Variants in VWF observed in about 807,000 individuals in gnomAD.
The protein encoded by VWF is von Willebrand factor.
In VWF, 176 loss-of-function variants were observed where a neutral mutation model predicts 308.6. The observed-to-expected ratio is 0.57, with a 90% CI of 0.50 to 0.65. VWF has a LOEUF of 0.65. VWF is among the 30% of genes least tolerant of loss of function. The probability of loss-of-function intolerance (pLI) is 0.00; values close to 1 mark genes in which losing one functional copy is unlikely to be tolerated. For synonymous variants in VWF, 1,385 were observed against 1,443.4 expected, an observed-to-expected ratio of 0.96 and a Z score of 0.92; for missense variants, 3,146 against 3,648.2, an observed-to-expected ratio of 0.86 and a Z score of 3.55.
Position 6,065,113 on chromosome 12 carries a change from AGCAG to A in VWF, c.1293+20_1293+23del. 1.2e-6 allele frequency: 2 copies of A among 1,614,090 alleles called. No homozygotes were observed. Among genetic ancestry groups the A allele is most frequent in the African/African-American group, 1.3e-5 (1 of 75,062 alleles). On this transcript the variant is annotated intron_variant, in intron 11 of 51. Transcript: ENST00000261405. ...CAGCACCTTGGGCTACCACCCGACC[AGCAG>A]CCGGGCTGGCAAAGCTCACCTGGAC...
At chr12:6,098,729 A>T (rs971484394) in intron 5 of VWF, among the ~76,000 whole-genome samples, 2 of 152,048 alleles carry the variant, frequency 1.3e-5, no homozygotes, top group African/African-American at 2.4e-5. Flanking sequence ...CAGTGAGCCA[A>T]GATGGCACCA....
At chr12:6,036,868 T>A (rs1944342873) in intron 18 of VWF, among the ~76,000 whole-genome samples, 1 of 152,008 alleles carries the variant, frequency 6.6e-6, no homozygotes. Context: ...CACCTAGCCA[T>A]CCCAAGGAAA....
At chr12:5,962,294 C>T (rs540626691) in intron 47 of VWF, among the ~76,000 whole-genome samples, 12 of 152,104 alleles carry the variant, frequency 7.9e-5, no homozygotes, top group East Asian at 1.9e-4. Flanking sequence ...CAATATAATC[C>T]GGCACACTTT....
At chr12:6,108,765 A>G (rs1945271734) in intron 5 of VWF, among the ~76,000 whole-genome samples, 1 of 152,048 alleles carries the variant, frequency 6.6e-6, no homozygotes, top group African/African-American at 2.4e-5. Flanking sequence ...GCAGATCACG[A>G]GGTCAGGAGT....
At chr12:5,960,004 T>C (rs1943294423) in intron 47 of VWF, among the ~76,000 whole-genome samples, 1 of 148,876 alleles carries the variant, frequency 6.7e-6, no homozygotes, top group South Asian at 2.1e-4. Flanking sequence ...AAGAAAAATA[T>C]AAAAAGTAAA....
At chr12:6,029,514 CA>C in intron 21 of VWF, 26 bp from the exon 22 acceptor site, 1 of 1,613,812 alleles carries the variant, frequency 6.2e-7, no homozygotes, top group Non-Finnish European at 8.5e-7. Context: ...GCAAGAAATC[CA>C]GGAGGATGAA....
chr12:6,095,752 G>A (rs1029549456), intron 5 of VWF, 168 bp from the exon 6 acceptor site: 10 of 889,524 alleles, frequency 1.1e-5, no homozygotes, highest in African/African-American at 6.6e-5. Flanking sequence ...CTATTCACAA[G>A]TGCAATCCCA....
At position 6,092,588 on chromosome 12, in the gene VWF, C is replaced by T. The variant is rs1000889820; in HGVS notation, c.657+2872G>A. The stretch of plus-strand genomic sequence containing the variant: ...AGTGTGTGTGCGTGCGTGCATGCCA[C>T]CATGCCCAGCTAGTTAGTGAGTGAG... On this transcript the variant is annotated intron_variant, in intron 6 of 51. Coordinates refer to ENST00000261405, the MANE Select transcript of VWF (RefSeq NM_000552.5). 3.5e-5 allele frequency among the ~76,000 whole-genome samples: 4 copies of T among 114,510 alleles called. 1 individual carries two copies. Among genetic ancestry groups the T allele is most frequent in the Admixed American group, 2.4e-4 (3 of 12,396 alleles). 75.1% of individuals were successfully genotyped at this position (114,510 alleles called of 152,430 possible). A position where few individuals can be genotyped will look rare whatever the true frequency, so the allele number is the denominator to read the frequency against.
At chr12:5,972,530 T>C (rs1434027909) in intron 43 of VWF, among the ~76,000 whole-genome samples, 1 of 152,180 alleles carries the variant, frequency 6.6e-6, no homozygotes, top group Non-Finnish European at 1.5e-5. Context: ...CGGGTGTGGA[T>C]GGCAGCCTGC....
chr12:5,988,613 T>C (rs1021113133), intron 38 of VWF, among the ~76,000 whole-genome samples: 4 of 152,202 alleles, frequency 2.6e-5, no homozygotes, highest in Non-Finnish European at 4.4e-5. Context: ...GGGATTTTCA[T>C]TTCCCAGGAA....
Position 6,052,801 on chromosome 12 carries a change from A to AGAC in VWF, c.1946-19_1946-18insGTC, listed in dbSNP as rs2136449904. ...GTTCAGCTCTAGAAGAGAGAGGAGA[A>AGAC]GTAAGGCCTCAGCGGGAATGTTGGA... On this transcript the variant is annotated intron_variant, in intron 15 of 51. Coordinates refer to ENST00000261405, the MANE Select transcript of VWF (RefSeq NM_000552.5). 6.2e-7 allele frequency: 1 copy of AGAC among 1,610,792 alleles called. No individual in the cohort carries two copies. Among genetic ancestry groups the AGAC allele is most frequent in the Admixed American group, 1.7e-5 (1 of 59,516 alleles).
At chr12:6,000,154 T>C (rs954047855) in intron 34 of VWF, among the ~76,000 whole-genome samples, 2 of 152,012 alleles carry the variant, frequency 1.3e-5, no homozygotes, top group African/African-American at 4.8e-5. Context: ...AAGAACCAAA[T>C]CTATGTATGG....
intron 5 of VWF, among the ~76,000 whole-genome samples, chr12:6,096,409 G>A (rs1945106606): frequency 6.6e-6 from 1 of 152,148 alleles, no homozygotes; most frequent in South Asian, 2.1e-4. Flanking sequence ...CTGTATGGGT[G>A]TCACCTTCCC....
In VWF at chr12:6,019,212, C is replaced by T. The variant is rs368639720; in HGVS notation, c.4206G>A (p.Gln1402=). 6.4e-5 allele frequency: 104 copies of T among 1,613,866 alleles called. No homozygotes were observed. The Middle Eastern group carries it at 1.3e-3, about 20-fold the overall frequency. ...CAATGACCTTCTTCTTCTTCAGGCC[C>T]TGGACGTAGCGGACAAAGTTCCGGG... ...RMSRNFVRYV[Q]GLKKKKVIVI... Residue 1402 remains glutamine, a synonymous_variant, in exon 28 of 52, where the codon CAG becomes CAA. Transcript: ENST00000261405. This position sits in a 1 kb window ranked among gnomAD's most constrained non-coding sequence, Gnocchi z 5.8.
rs216324 is a variant in VWF at position 6,036,059 on chromosome 12, A to G, written c.2546+329T>C. Reference sequence around the variant, plus strand: ...ATAAATAAATGTCATGTTTAGATTTAGGTCCCATCCCTAAGACACCTCATT... The same window carrying G: ...ATAAATAAATGTCATGTTTAGATTTGGGTCCCATCCCTAAGACACCTCATT... On this transcript the variant is annotated intron_variant, in intron 19 of 51. Coordinates refer to ENST00000261405, the MANE Select transcript of VWF (RefSeq NM_000552.5). Among the ~76,000 whole-genome samples the G allele has an allele frequency of 0.91, 138,980 of 152,276 alleles. 63,548 individuals are homozygous for G. The highest frequency in any genetic ancestry group is 0.94 in the African/African-American group (39,020 of 41,540).
chr12:6,000,016 A>G (rs1943853000), intron 34 of VWF, among the ~76,000 whole-genome samples: 1 of 152,146 alleles, frequency 6.6e-6, no homozygotes, highest in Non-Finnish European at 1.5e-5. Context: ...GAAAGTATAA[A>G]GGTCAAAGAG....
chr12:5,991,205 A>G (rs1000670101), intron 38 of VWF, among the ~76,000 whole-genome samples: 2 of 114,928 alleles, frequency 1.7e-5, no homozygotes, highest in African/African-American at 3.4e-5. Context: ...ACACACACAC[A>G]CGCATGCACA....
In VWF at chr12:6,019,184, T is replaced by A; in HGVS notation, c.4234A>T (p.Ile1412Phe). 6.2e-7 allele frequency: 1 copy of A among 1,613,912 alleles called. No individual in the cohort carries two copies. Among genetic ancestry groups the A allele is most frequent in the Non-Finnish European group, 8.5e-7 (1 of 1,179,842 alleles). ...QGLKKKKVIV[I>F]PVGIGPHANL... The stretch of plus-strand genomic sequence containing the variant: ...GCATGGGGCCCAATGCCCACCGGGA[T>A]CACAATGACCTTCTTCTTCTTCAGG... The change falls in exon 28 of 52, where the codon ATC (isoleucine) becomes TTC (phenylalanine). Residue 1412 changes from isoleucine to phenylalanine, a missense_variant. Physicochemically the swap from Ile to Phe is conservative, Grantham distance 21. Transcript: ENST00000261405. This position sits in a 1 kb window ranked among gnomAD's most constrained non-coding sequence, Gnocchi z 5.8.
intron 34 of VWF, among the ~76,000 whole-genome samples, chr12:5,996,661 T>C (rs1460114721): frequency 2.6e-5 from 4 of 151,700 alleles, no homozygotes; most frequent in African/African-American, 9.7e-5. Flanking sequence ...CACGTGTCCT[T>C]TCAGCTGCCA....
Sources: gnomAD v4.1 joint callset for allele counts (sites outside exome capture counted in the v4.1 genomes callset) on GRCh38, gnomAD v4.1.1 for gene constraint, Gnocchi (gnomAD v3.1) non-coding constraint, MANE v1.5 for transcripts, NCBI Gene and HGNC (gene_info 2026-07-23, HGNC 2026-07-21) for gene names.